Variants in CENPP observed in about 807,000 individuals in gnomAD.
CENPP encodes the protein centromere protein P.
A neutral mutation model predicts 35.6 loss-of-function variants in CENPP; 24 were observed. The observed-to-expected ratio is 0.67, with a 90% confidence interval of 0.49 to 0.95. CENPP has a LOEUF of 0.95. Among genes scored for constraint, CENPP ranks in the 40% least tolerant of loss-of-function variants. The pLI is 0.00. For missense variants in CENPP, 332 were observed against 345.3 expected (o/e 0.96, Z 0.31); for synonymous variants, 120 against 125.5 (o/e 0.96, Z 0.29).
At chr9:92,338,271 C>T (rs1840994268) in intron 3 of CENPP, among the ~76,000 whole-genome samples, 1 of 151,978 alleles carries the variant, frequency 6.6e-6, no homozygotes, top group South Asian at 2.1e-4. Flanking sequence ...GTGATTGTGC[C>T]ACTGTACTCG....
chr9:92,501,343 C>G (rs1485501853), intron 5 of CENPP, among the ~76,000 whole-genome samples: 1 of 152,110 alleles, frequency 6.6e-6, no homozygotes, highest in African/African-American at 2.4e-5. Context: ...TACTGAGGCC[C>G]AAAGACTAAA....
At chr9:92,422,787 A>G (rs1000711630) in intron 5 of CENPP, among the ~76,000 whole-genome samples, 1 of 152,100 alleles carries the variant, frequency 6.6e-6, no homozygotes, top group Non-Finnish European at 1.5e-5. Flanking sequence ...CCCTGTTACA[A>G]CAATCTCTTA....
intron 5 of CENPP, chr9:92,493,800 A>G (rs1373690870): frequency 4.3e-6 from 1 of 230,492 alleles, no homozygotes; most frequent in Non-Finnish European, 8.4e-6. Flanking sequence ...AATAAGTACA[A>G]CTTCCACTTA....
chr9:92,512,339 C>G (rs1250172956), intron 5 of CENPP, among the ~76,000 whole-genome samples: 2 of 152,182 alleles, frequency 1.3e-5, no homozygotes, highest in Non-Finnish European at 2.9e-5. Context: ...GACATTTTCT[C>G]TCTAAGGATT....
intron 2 of CENPP, among the ~76,000 whole-genome samples, chr9:92,334,773 G>A (rs1439969445): frequency 1.3e-5 from 2 of 151,962 alleles, no homozygotes; most frequent in African/African-American, 2.4e-5. Flanking sequence ...CCAGCTGCTC[G>A]GGAGGCTGAG....
chr9:92,390,972 C>T (rs1842653313), intron 5 of CENPP, among the ~76,000 whole-genome samples: 1 of 152,116 alleles, frequency 6.6e-6, no homozygotes, highest in African/African-American at 2.4e-5. Context: ...TCATGTTAAA[C>T]AGCAAAATCA....
intron 5 of CENPP, among the ~76,000 whole-genome samples, chr9:92,452,985 T>G (rs566825393): frequency 4.6e-5 from 7 of 152,198 alleles, no homozygotes; most frequent in Non-Finnish European, 1.0e-4. Context: ...TTGAATCTTC[T>G]CTCTTTTCTT....
chr9:92,614,248 A>C lies in CENPP; in HGVS notation c.*1099A>C, dbSNP rs1046675918. ...GACCCAGCATCCTCCACACACCGTG[A>C]CAATGGGCAAAATCATCCCAAACCA... On this transcript the variant is annotated 3_prime_UTR_variant, in exon 8 of 8. Transcript: ENST00000375587. 1 of 153,082 alleles carries C rather than the reference A, an allele frequency of 6.5e-6. No individual in the cohort carries two copies. The highest frequency in any genetic ancestry group is 1.5e-5 in the Non-Finnish European group (1 of 68,706). 9.5% of individuals were successfully genotyped at this position (153,082 alleles called of 1,614,324 possible).
intron 5 of CENPP, chr9:92,403,460 G>C: frequency 6.5e-7 from 1 of 1,545,308 alleles, no homozygotes; most frequent in Non-Finnish European, 8.7e-7. Context: ...CCTGCTGACT[G>C]TGGGACAAAA....
chr9:92,479,061 CA>C (rs1353725542), intron 5 of CENPP, among the ~76,000 whole-genome samples: 9 of 152,126 alleles, frequency 5.9e-5, no homozygotes. Context: ...GAGGCTTCCC[CA>C]GTACTGAGCT....
intron 5 of CENPP, among the ~76,000 whole-genome samples, chr9:92,574,735 T>C (rs117329316): frequency 0.015 from 2,269 of 152,288 alleles, 29 homozygotes; most frequent in Non-Finnish European, 0.023. Flanking sequence ...AGAATTCACA[T>C]GGAATCTCAA....
At chr9:92,474,670 T>C in intron 5 of CENPP, 1 of 1,613,828 alleles carries the variant, frequency 6.2e-7, no homozygotes, top group African/African-American at 1.3e-5. Flanking sequence ...GACATCCAAA[T>C]GGACACATTG....
intron 5 of CENPP, among the ~76,000 whole-genome samples, chr9:92,596,346 G>A (rs986850622): frequency 4.7e-5 from 7 of 148,114 alleles, no homozygotes; most frequent in African/African-American, 1.5e-4. Context: ...GCCCAGACCG[G>A]TTAGTTTTTA....
Position 92,415,068 on chromosome 9 carries a change from T to C in CENPP, c.564+35209T>C, listed in dbSNP as rs974218812. 7 of 1,044,008 alleles carry C rather than the reference T, an allele frequency of 6.7e-6. No individual in the cohort carries two copies. In the African/African-American group the frequency reaches 9.7e-5, roughly 15 times the overall value. The allele number at this position is 1,044,008 out of a possible 1,614,324, so 64.7% of individuals were successfully genotyped here. On this transcript the variant is annotated intron_variant, in intron 5 of 7. Transcript: ENST00000375587. ...TAATACATAATTCTAAATATATTAC[T>C]TTGAGTAATACATGTTTACTTAGAT... is the stretch of plus-strand genomic sequence containing the variant.
chr9:92,326,157 C>G, intron 1 of CENPP, 52 bp downstream of exon 1: 1 of 1,237,424 alleles, frequency 8.1e-7, no homozygotes, highest in South Asian at 1.4e-5. Context: ...GTTCCCGGGC[C>G]AGGCGGGTGA....
chr9:92,457,441 A>G lies in CENPP; in HGVS notation c.564+77582A>G, dbSNP rs1009288623. The G allele has an allele frequency of 1.9e-6, 3 of 1,613,322 alleles. No homozygotes were observed. In the African/African-American group the frequency reaches 4.0e-5, roughly 22 times the overall value. ...TCTTTGGCACTGTTGGACAGAAGTCATTTACTCCCACTCTTGCAATTGAAT... is the reference window on the plus strand; with the variant it reads ...TCTTTGGCACTGTTGGACAGAAGTCGTTTACTCCCACTCTTGCAATTGAAT... On this transcript the variant is annotated intron_variant, in intron 5 of 7. Transcript: ENST00000375587.
chr9:92,333,922 A>G (rs538816599), intron 2 of CENPP, among the ~76,000 whole-genome samples: 1 of 152,336 alleles, frequency 6.6e-6, no homozygotes, highest in African/African-American at 2.4e-5. Flanking sequence ...CAAAATAATC[A>G]TGTGAAGAAT....
At chr9:92,419,898 A>G (rs927883864) in intron 5 of CENPP, among the ~76,000 whole-genome samples, 10 of 152,228 alleles carry the variant, frequency 6.6e-5, no homozygotes, top group African/African-American at 2.4e-4. Context: ...TTGAGAGAAT[A>G]GTTACTTAAG....
rs190094308 is a variant in CENPP, at chr9:92,490,337, G to A, written c.564+110478G>A. Among the ~76,000 whole-genome samples the A allele has an allele frequency of 4.1e-3, 627 of 152,238 alleles. 5 individuals carry two copies. Among genetic ancestry groups the A allele is most frequent in the Non-Finnish European group, 2.4e-3 (162 of 67,996 alleles). ...GAATCTCCATGTTTCACAGACTTTG[G>A]GGGCTTAAGGCCTGTAATGGTCATT... is the stretch of plus-strand genomic sequence containing the variant. On this transcript the variant is annotated intron_variant, in intron 5 of 7. Coordinates refer to ENST00000375587, the MANE Select transcript of CENPP (RefSeq NM_001012267.3).
Sources: gnomAD v4.1 joint callset for allele counts (sites outside exome capture counted in the v4.1 genomes callset) on GRCh38, gnomAD v4.1.1 for gene constraint, MANE v1.5 for transcripts, NCBI Gene and HGNC (gene_info 2026-07-23, HGNC 2026-07-21) for gene names.